The following GRXCR2 variants were observed in gnomAD, a reference collection of about 807,000 sequenced individuals.
GRXCR2 encodes the protein glutaredoxin and cysteine rich domain containing 2, also known as glutaredoxin domain-containing cysteine-rich protein 2.
A neutral mutation model predicts 24.8 loss-of-function variants in GRXCR2; 23 were observed. The observed-to-expected ratio is 0.93, with a 90% CI of 0.67 to 1.32. The LOEUF is 1.32. Ranked by LOEUF, GRXCR2 falls within the 40% of genes most tolerant of loss-of-function variation. GRXCR2 has a pLI of 0.00. For missense variants in GRXCR2, 315 were observed against 303.4 expected (o/e 1.04, Z -0.28); for synonymous variants, 130 against 116.1 (o/e 1.12, Z -0.77).
intron 2 of GRXCR2, among the ~76,000 whole-genome samples, chr5:145,894,085 C>T (rs1036514562): frequency 2.5e-4 from 38 of 152,022 alleles, no homozygotes; most frequent in South Asian, 6.2e-4. Context: ...TTGAAACCAA[C>T]GAGAACAAAG....
intron 2 of GRXCR2, among the ~76,000 whole-genome samples, chr5:145,880,049 T>C (rs1312851217): frequency 6.6e-6 from 1 of 152,162 alleles, no homozygotes; most frequent in Non-Finnish European, 1.5e-5. Context: ...AAGCAGTGTG[T>C]AGAGGGAAAT....
chr5:145,901,172 G>A (rs1357734142), intron 2 of GRXCR2, among the ~76,000 whole-genome samples: 1 of 151,830 alleles, frequency 6.6e-6, no homozygotes, highest in Non-Finnish European at 1.5e-5. Flanking sequence ...AGGGGGGCAA[G>A]AGTTGAAAAA....
chr5:145,885,687 A>G (rs1756770927), intron 2 of GRXCR2, among the ~76,000 whole-genome samples: 1 of 152,212 alleles, frequency 6.6e-6, no homozygotes, highest in South Asian at 2.1e-4. Context: ...GTCAATCTCC[A>G]CTGAGGAATA....
At chr5:145,882,954 T>C (rs1441363033) in intron 2 of GRXCR2, among the ~76,000 whole-genome samples, 1 of 142,990 alleles carries the variant, frequency 7.0e-6, no homozygotes, top group Admixed American at 7.7e-5. Context: ...TTCTCACTCA[T>C]AGTTGGGAAT....
intron 2 of GRXCR2, among the ~76,000 whole-genome samples, chr5:145,862,048 T>C (rs938049951): frequency 6.6e-6 from 1 of 152,230 alleles, no homozygotes; most frequent in Non-Finnish European, 1.5e-5. Flanking sequence ...TTCAAAATAA[T>C]ACATATTTGC....
intron 2 of GRXCR2, among the ~76,000 whole-genome samples, chr5:145,898,861 T>G (rs753254677): frequency 4.0e-5 from 6 of 151,860 alleles, no homozygotes; most frequent in Non-Finnish European, 8.8e-5. Flanking sequence ...AACTTGAAGA[T>G]GTCCACACTC....
chr5:145,875,859 C>T (rs756473299), upstream of GRXCR2, among the ~76,000 whole-genome samples: 5 of 152,036 alleles, frequency 3.3e-5, no homozygotes, highest in South Asian at 4.1e-4. Flanking sequence ...TATTCATTTA[C>T]TTCACTGTAT....
At chr5:145,865,155 T>C (rs1375780903) in intron 2 of GRXCR2, among the ~76,000 whole-genome samples, 1 of 152,134 alleles carries the variant, frequency 6.6e-6, no homozygotes, top group African/African-American at 2.4e-5. Flanking sequence ...ATCACTCAAG[T>C]TCCAGAAAGC....
chr5:145,889,113 G>A (rs1399908484), intron 2 of GRXCR2, among the ~76,000 whole-genome samples: 24 of 150,426 alleles, frequency 1.6e-4, no homozygotes, highest in African/African-American at 5.2e-4. Flanking sequence ...GCAGTGAGCC[G>A]AGATCGCACC....
chr5:145,922,847 A>T (rs1220314051), intron 2 of GRXCR2, among the ~76,000 whole-genome samples: 2 of 152,214 alleles, frequency 1.3e-5, no homozygotes, highest in Admixed American at 6.5e-5. Flanking sequence ...CCTAGTCTGT[A>T]ATGGTCTGGA....
At chr5:145,896,017 A>G (rs1375253902) in intron 2 of GRXCR2, among the ~76,000 whole-genome samples, 1 of 152,236 alleles carries the variant, frequency 6.6e-6, no homozygotes, top group Non-Finnish European at 1.5e-5. Flanking sequence ...ACCTGACAAA[A>G]ACAAGAAATG....
chr5:145,923,004 T>G (rs1304339434), intron 2 of GRXCR2, among the ~76,000 whole-genome samples: 1 of 152,066 alleles, frequency 6.6e-6, no homozygotes, highest in East Asian at 1.9e-4. Flanking sequence ...TCTCAAAAGG[T>G]GGCCCTGGAT....
intron 2 of GRXCR2, among the ~76,000 whole-genome samples, chr5:145,927,534 T>C (rs553542513): frequency 1.3e-5 from 2 of 152,340 alleles, no homozygotes; most frequent in East Asian, 1.9e-4. Context: ...ATTACGTTTA[T>C]TGATTTGCGT....
At chr5:145,888,671 A>G (rs141649874) in intron 2 of GRXCR2, among the ~76,000 whole-genome samples, 105 of 152,318 alleles carry the variant, frequency 6.9e-4, no homozygotes, top group African/African-American at 2.4e-3. Flanking sequence ...AAAAGTCTTC[A>G]TTTTTCCTAA....
chr5:145,925,520 C>G (rs182907369), intron 2 of GRXCR2, among the ~76,000 whole-genome samples: 93 of 152,206 alleles, frequency 6.1e-4, no homozygotes, highest in Middle Eastern at 3.4e-3. Context: ...TCTCCAGATT[C>G]CAAGTCGCAA....
intron 2 of GRXCR2, among the ~76,000 whole-genome samples, chr5:145,930,983 A>G (rs6893122): frequency 0.22 from 33,579 of 152,066 alleles, 3,829 homozygotes; most frequent in African/African-American, 0.25. Context: ...GGCAGAGCTG[A>G]GATTCAAACC....
chr5:145,904,103 A>G (rs959674981), intron 2 of GRXCR2, among the ~76,000 whole-genome samples: 2 of 152,178 alleles, frequency 1.3e-5, no homozygotes, highest in Non-Finnish European at 2.9e-5. Flanking sequence ...CTAACCCCAG[A>G]TTTGTGTGTG....
At chr5:145,925,455 T>G (rs1459301623) in intron 2 of GRXCR2, among the ~76,000 whole-genome samples, 3 of 152,198 alleles carry the variant, frequency 2.0e-5, no homozygotes, top group Non-Finnish European at 4.4e-5. Context: ...CCTAGAGCTT[T>G]TGAACACAAA....
At chr5:145,881,414 C>A (rs974286236) in intron 2 of GRXCR2, among the ~76,000 whole-genome samples, 2 of 152,200 alleles carry the variant, frequency 1.3e-5, no homozygotes, top group Admixed American at 1.3e-4. Flanking sequence ...CATGAGTGAA[C>A]TCCCATTCAC....
Sources: gnomAD v4.1 joint callset for allele counts (sites outside exome capture counted in the v4.1 genomes callset) on GRCh38, gnomAD v4.1.1 for gene constraint, MANE v1.5 for transcripts, NCBI Gene and HGNC (gene_info 2026-07-23, HGNC 2026-07-21) for gene names.